Variants in RBL1 observed in about 807,000 individuals in gnomAD.
The protein encoded by RBL1 is retinoblastoma-like protein 1.
Under a neutral mutation model 123.0 loss-of-function variants are expected in RBL1, and 82 were observed. That is an observed-to-expected ratio of 0.67 (90% CI 0.56 to 0.80). The LOEUF is 0.80. Among genes scored for constraint, RBL1 ranks in the 30% least tolerant of loss-of-function variants. RBL1 has a pLI of 0.00. For missense variants in RBL1, 1,171 were observed against 1,299.6 expected (o/e 0.90, Z 1.52); for synonymous variants, 405 against 441.3 (o/e 0.92, Z 1.03).
Position 37,095,765 on chromosome 20 carries a change from C to T in RBL1, c.156+8G>A. ...TAGGGTCCGGCCGCCCCACCTGCTG[C>T]CGCTCACCTCTAGGCTGTAGTTGCC... is the stretch of plus-strand genomic sequence containing the variant. On this transcript the variant is annotated splice_region_variant and intron_variant, in intron 1 of 21. Coordinates refer to ENST00000373664, the MANE Select transcript of RBL1 (RefSeq NM_002895.5). 1.9e-6 allele frequency: 3 copies of T among 1,582,054 alleles called. No homozygotes were observed. The South Asian group carries it at 3.4e-5, about 18-fold the overall frequency.
In RBL1 at chr20:37,055,413, G is replaced by A. The variant is rs975946409; in HGVS notation, c.1467+140C>T. The A allele has an allele frequency of 2.3e-6, 3 of 1,283,734 alleles. No individual in the cohort carries two copies. The African/African-American group carries it at 4.5e-5, about 19-fold the overall frequency. 79.5% of individuals were successfully genotyped at this position (1,283,734 alleles called of 1,614,324 possible). A position where few individuals can be genotyped will look rare whatever the true frequency, so the allele number is the denominator to read the frequency against. The stretch of plus-strand genomic sequence containing the variant: ...GCCTAGATTGATTAGCCTTGCATGT[G>A]CTAAAGTCAACTAAATGCCATCCTG... On this transcript the variant is annotated intron_variant, in intron 11 of 21. Transcript: ENST00000373664.
intron 2 of RBL1, among the ~76,000 whole-genome samples, chr20:37,079,424 G>C (rs1464550992): frequency 1.3e-5 from 2 of 151,682 alleles, no homozygotes; most frequent in African/African-American, 4.8e-5. Flanking sequence ...TTTGAGAACA[G>C]GGGGCAGCCA....
rs187123404 is a variant in RBL1 at position 37,021,287 on chromosome 20, C to T, written c.2560-557G>A. Among the ~76,000 whole-genome samples the T allele has an allele frequency of 2.2e-4, 34 of 152,206 alleles. No individual in the cohort carries two copies. In the East Asian group the frequency reaches 6.2e-3, roughly 28 times the overall value. Reference sequence around the variant, plus strand: ...GAATTCCTTCTGGGATCTCTGTGATCATAAACTTCACTTAAGTCACTCTTT... The same window carrying T: ...GAATTCCTTCTGGGATCTCTGTGATTATAAACTTCACTTAAGTCACTCTTT... On this transcript the variant is annotated intron_variant, in intron 17 of 21. Transcript: ENST00000373664.
At chr20:37,049,596 A>C in intron 11 of RBL1, 1 of 756,808 alleles carries the variant, frequency 1.3e-6, no homozygotes. Context: ...GCTTTCGTCG[A>C]GAGTGCCCTT....
intron 2 of RBL1, among the ~76,000 whole-genome samples, chr20:37,082,231 C>G (rs916703593): frequency 2.6e-5 from 4 of 152,214 alleles, no homozygotes; most frequent in Admixed American, 6.5e-5. Flanking sequence ...GGTGATGATA[C>G]AGTCAGCCCT....
intron 9 of RBL1, among the ~76,000 whole-genome samples, chr20:37,058,215 A>G (rs983813627): frequency 2.0e-5 from 3 of 151,594 alleles, no homozygotes; most frequent in African/African-American, 7.3e-5. Flanking sequence ...TCTCTCCCCA[A>G]ATCTTCATGG....
At chr20:37,000,736 C>G (rs1337231433) in intron 21 of RBL1, among the ~76,000 whole-genome samples, 15 of 135,046 alleles carry the variant, frequency 1.1e-4, no homozygotes, top group African/African-American at 3.6e-4. Context: ...GGTCAGCCCC[C>G]CGCCCGGCCA....
chr20:37,012,438 C>T (rs1314817385), intron 19 of RBL1, among the ~76,000 whole-genome samples: 1 of 152,072 alleles, frequency 6.6e-6, no homozygotes, highest in Non-Finnish European at 1.5e-5. Flanking sequence ...TTCCCGGCCG[C>T]CATCCCATCT....
chr20:37,010,031 T>TA (rs140519985), intron 19 of RBL1, among the ~76,000 whole-genome samples: 20,768 of 149,338 alleles, frequency 0.14, 2,127 homozygotes, highest in East Asian at 0.48. Flanking sequence ...TCTCTAAAAT[T>TA]AAAAAAAAAC....
chr20:37,095,068 G>C (rs955061756), intron 1 of RBL1, among the ~76,000 whole-genome samples: 1 of 152,148 alleles, frequency 6.6e-6, no homozygotes, highest in African/African-American at 2.4e-5. Flanking sequence ...ATGCAAGAAT[G>C]ATGGGGAAAA....
chr20:37,051,367 G>A (rs2064909445), intron 11 of RBL1, among the ~76,000 whole-genome samples: 1 of 152,066 alleles, frequency 6.6e-6, no homozygotes, highest in Non-Finnish European at 1.5e-5. Context: ...TTTTAGTAGA[G>A]ACAGGGTTTC....
intron 16 of RBL1, among the ~76,000 whole-genome samples, chr20:37,029,243 CAGG>C (rs2064468361): frequency 6.6e-6 from 1 of 152,284 alleles, no homozygotes; most frequent in Middle Eastern, 3.4e-3. Flanking sequence ...TTGGTATACA[CAGG>C]AGATTTCTTC....
At chr20:37,054,788 C>T (rs1410766529) in intron 11 of RBL1, among the ~76,000 whole-genome samples, 1 of 151,990 alleles carries the variant, frequency 6.6e-6, no homozygotes, top group Non-Finnish European at 1.5e-5. Flanking sequence ...CGAGATCGTG[C>T]CACTGCACTC....
chr20:37,023,619 TTAAAA>T (rs1204942002), intron 16 of RBL1, among the ~76,000 whole-genome samples: 1 of 152,158 alleles, frequency 6.6e-6, no homozygotes, highest in East Asian at 1.9e-4. Context: ...AACAGGAATG[TTAAAA>T]TAAGTAAGAT....
chr20:37,093,836 T>C (rs576142317), intron 1 of RBL1, among the ~76,000 whole-genome samples: 1 of 152,174 alleles, frequency 6.6e-6, no homozygotes, highest in South Asian at 2.1e-4. Flanking sequence ...AGACGGGGTT[T>C]CACCATGCTG....
chr20:37,010,160 C>T (rs2064129417), intron 19 of RBL1, among the ~76,000 whole-genome samples: 1 of 151,908 alleles, frequency 6.6e-6, no homozygotes, highest in African/African-American at 2.4e-5. Flanking sequence ...GAGTTCAAGA[C>T]CAGTCTGGGC....
chr20:37,020,245 C>T (rs901783203), intron 18 of RBL1, among the ~76,000 whole-genome samples: 43 of 152,052 alleles, frequency 2.8e-4, no homozygotes, highest in African/African-American at 7.5e-4. Context: ...TGTGACACCA[C>T]GCCTGGCTAA....
In RBL1 at chr20:37,041,888, C is replaced by T. The variant is rs143531633; in HGVS notation, c.1771-1603G>A. ...CTTTGGAAGACCATCCTGGCTAACA[C>T]GGTGAAACCCTGCCTCTACCACAAA... On this transcript the variant is annotated intron_variant, in intron 13 of 21. Coordinates refer to ENST00000373664, the MANE Select transcript of RBL1 (RefSeq NM_002895.5). Among the ~76,000 whole-genome samples, 650 of 151,912 alleles carry T rather than the reference C, an allele frequency of 4.3e-3. 7 individuals carry two copies. The highest frequency in any genetic ancestry group is 0.014 in the African/African-American group (600 of 41,466).
intron 2 of RBL1, among the ~76,000 whole-genome samples, chr20:37,087,560 C>A (rs532959653): frequency 6.6e-6 from 1 of 152,044 alleles, no homozygotes; most frequent in Non-Finnish European, 1.5e-5. Flanking sequence ...GCACTCGAGG[C>A]CTGGGCAATA....
Sources: allele counts gnomAD v4.1 joint callset (sites outside exome capture counted in the v4.1 genomes callset), GRCh38; gene constraint gnomAD v4.1.1; transcripts MANE v1.5; gene names NCBI Gene and HGNC (gene_info 2026-07-23, HGNC 2026-07-21).